MICAL3: variants seen among roughly 807,000 people sequenced by gnomAD.
MICAL3 encodes microtubule associated monooxygenase, calponin and LIM domain containing 3.
MICAL3 carries 62 observed loss-of-function variants against 207.4 expected under a neutral mutation model. The ratio of observed to expected loss-of-function variants is 0.30; its 90% CI spans 0.24 to 0.37. The LOEUF is 0.37. Among genes scored for constraint, MICAL3 ranks in the 10% least tolerant of loss-of-function variants. The pLI is 1.00. For missense variants in MICAL3, 2,368 were observed against 2,635.6 expected (o/e 0.90, Z 2.22); for synonymous variants, 1,077 against 1,069.3 (o/e 1.01, Z -0.14).
intron 19 of MICAL3, among the ~76,000 whole-genome samples, chr22:17,858,228 G>A (rs960324868): frequency 6.6e-6 from 1 of 152,052 alleles, no homozygotes; most frequent in Admixed American, 6.5e-5. Context: ...TATAAAGAAA[G>A]AGGTGTTGGC....
At chr22:17,795,925 CT>C (rs1329979232) in intron 29 of MICAL3, among the ~76,000 whole-genome samples, 2 of 151,022 alleles carry the variant, frequency 1.3e-5, no homozygotes, top group East Asian at 3.9e-4. Flanking sequence ...ATAGTAAATG[CT>C]TTGCCTTTTA....
chr22:17,814,370 C>T (rs2062080113), intron 27 of MICAL3: 1 of 152,178 alleles, frequency 6.6e-6, no homozygotes, highest in Non-Finnish European at 1.5e-5. Flanking sequence ...ACCCTTCGTC[C>T]CTAAACGTTT....
At chr22:17,901,048 G>A in intron 5 of MICAL3, 51 bp from the exon 6 acceptor site, 1 of 1,567,262 alleles carries the variant, frequency 6.4e-7, no homozygotes, top group Non-Finnish European at 8.8e-7. Flanking sequence ...AGAGAAGGAA[G>A]ATCACTTCAG....
Position 18,019,805 on chromosome 22 carries a change from G to T in MICAL3, c.-75+4476C>A, listed in dbSNP as rs184421338. On this transcript the variant is annotated intron_variant, in intron 1 of 31. Coordinates refer to ENST00000441493, the MANE Select transcript of MICAL3 (RefSeq NM_015241.3). ...TACTAGAGAAAATGAGAATGCTGCT[G>T]ATTTTTTTTTTTTTTTTTTTTTTTT... is the stretch of plus-strand genomic sequence containing the variant. The T allele has an allele frequency of 8.4e-3, 1,079 of 128,268 alleles. 13 individuals are homozygous for T. The highest frequency in any genetic ancestry group is 0.037 in the African/African-American group (1,010 of 27,052). The allele number at this position is 128,268 out of a possible 1,614,324, so 7.9% of individuals were successfully genotyped here.
At chr22:17,899,643 G>A (rs1205851693) in intron 6 of MICAL3, 95 bp from the exon 7 acceptor site, 4 of 765,008 alleles carry the variant, frequency 5.2e-6, no homozygotes, top group East Asian at 2.7e-5. Flanking sequence ...ACAGAGACAA[G>A]GGCCTGAGGC....
chr22:17,792,554 T>C (rs775908884), intron 29 of MICAL3, among the ~76,000 whole-genome samples: 1 of 152,216 alleles, frequency 6.6e-6, no homozygotes, highest in Middle Eastern at 3.2e-3. Context: ...CCCTCACTGC[T>C]AGCTGCCTTT....
intron 1 of MICAL3, among the ~76,000 whole-genome samples, chr22:17,916,072 A>C (rs1932489685): frequency 1.3e-5 from 2 of 151,052 alleles, no homozygotes; most frequent in East Asian, 1.9e-4. Flanking sequence ...AAAAAAAAAA[A>C]AAAAAAAACC....
At chr22:17,881,021 A>G (rs1929367437) in intron 16 of MICAL3, among the ~76,000 whole-genome samples, 1 of 152,168 alleles carries the variant, frequency 6.6e-6, no homozygotes, top group Admixed American at 6.5e-5. Context: ...TCAGGTGTGA[A>G]TGTAGGATGC....
intron 19 of MICAL3, among the ~76,000 whole-genome samples, chr22:17,845,736 C>G (rs4819470): frequency 0.031 from 4,782 of 152,296 alleles, 123 homozygotes; most frequent in South Asian, 0.12. Context: ...AGACTTACAA[C>G]AAGAAGAAAA....
chr22:17,990,848 T>C (rs1246165939), intron 1 of MICAL3, among the ~76,000 whole-genome samples: 1 of 152,240 alleles, frequency 6.6e-6, no homozygotes, highest in Non-Finnish European at 1.5e-5. Context: ...CTCTCCCACT[T>C]TTCCCATATC....
chr22:18,016,790 C>A (rs1486091414), intron 1 of MICAL3, among the ~76,000 whole-genome samples: 3 of 151,780 alleles, frequency 2.0e-5, no homozygotes, highest in Non-Finnish European at 1.5e-5. Flanking sequence ...AATACAAAAA[C>A]TTAGCCGGGG....
In MICAL3 at chr22:17,902,866, T is replaced by A. The variant is rs1931434973; in HGVS notation, c.473-119A>T. 3.2e-6 allele frequency: 2 copies of A among 629,476 alleles called. No individual in the cohort carries two copies. The highest frequency in any genetic ancestry group is 5.7e-6 in the Non-Finnish European group (2 of 351,506). 39.0% of individuals were successfully genotyped at this position (629,476 alleles called of 1,614,324 possible). A position where few individuals can be genotyped will look rare whatever the true frequency, so the allele number is the denominator to read the frequency against. On this transcript the variant is annotated intron_variant, in intron 3 of 31. Transcript: ENST00000441493. This position sits in a 1 kb window ranked among gnomAD's most constrained non-coding sequence, Gnocchi z 4.5. ...CCCCTTCATTCAGATTCCCAAAGCC[T>A]GCTGTAGCAGGAGACCTTCCAAAGC...
intron 19 of MICAL3, among the ~76,000 whole-genome samples, chr22:17,845,633 C>T (rs1924555084): frequency 6.6e-6 from 1 of 152,066 alleles, no homozygotes; most frequent in South Asian, 2.1e-4. Context: ...AATGAAGTAA[C>T]TGAAGTTCAG....
At chr22:17,988,542 C>T (rs1921292627) in intron 1 of MICAL3, among the ~76,000 whole-genome samples, 1 of 152,218 alleles carries the variant, frequency 6.6e-6, no homozygotes, top group Non-Finnish European at 1.5e-5. Context: ...GCAACCTCCA[C>T]CCTCCGAGTT....
intron 1 of MICAL3, among the ~76,000 whole-genome samples, chr22:17,955,126 A>C (rs1934551733): frequency 6.6e-6 from 1 of 152,198 alleles, no homozygotes; most frequent in Non-Finnish European, 1.5e-5. Flanking sequence ...TTAAGGATTA[A>C]ATGACAATGC....
At chr22:17,899,618 G>C (rs193176226) in intron 6 of MICAL3, 70 bp from the exon 7 acceptor site, 1 of 974,932 alleles carries the variant, frequency 1.0e-6, no homozygotes, top group Non-Finnish European at 1.6e-6. Context: ...AGGCTGAAAG[G>C]TTACACACAG....
chr22:17,843,182 A>C (rs1158146493), intron 19 of MICAL3, among the ~76,000 whole-genome samples: 1 of 151,710 alleles, frequency 6.6e-6, no homozygotes, highest in East Asian at 1.9e-4. Context: ...TTTGGTAAAG[A>C]AGCACTTTTC....
intron 1 of MICAL3, among the ~76,000 whole-genome samples, chr22:17,981,384 T>C (rs917157432): frequency 1.3e-5 from 2 of 152,046 alleles, no homozygotes; most frequent in African/African-American, 4.8e-5. Flanking sequence ...AGATCAATCA[T>C]GATATAAGCA....
Position 17,831,862 on chromosome 22 carries a change from G to A in MICAL3, c.3047C>T (p.Ser1016Phe). 4.5e-6 allele frequency: 7 copies of A among 1,551,974 alleles called. No individual in the cohort carries two copies. The highest frequency in any genetic ancestry group is 6.1e-6 in the Non-Finnish European group (7 of 1,147,488). ...AGAGATTTTGTTCTGACCTTCACTG[G>A]ACTCTTCCTCCTCCTCGTCATAGTC... is the stretch of plus-strand genomic sequence containing the variant. ...EEDYDEEEEE[S>F]SEAGNQRLQQ... Residue 1016 changes from serine (S) to phenylalanine (F), a missense_variant, in exon 21 of 32, where the codon TCC becomes TTC. Around this residue, in one of 4 missense-constraint regions of MICAL3, gnomAD observed 1,770 missense variants for 1,863.2 expected, o/e 0.95. Coordinates refer to ENST00000441493, the MANE Select transcript of MICAL3 (RefSeq NM_015241.3).
Sources: allele counts gnomAD v4.1 joint callset (sites outside exome capture counted in the v4.1 genomes callset), GRCh38; gene constraint gnomAD v4.1.1; regional missense constraint gnomAD v4.1.1; non-coding constraint Gnocchi (gnomAD v3.1); transcripts MANE v1.5; gene names NCBI Gene and HGNC (gene_info 2026-07-23, HGNC 2026-07-21).